Variants in CCDC102A observed in about 807,000 individuals in gnomAD.
CCDC102A encodes the protein coiled-coil domain containing 102A.
In CCDC102A, 40 loss-of-function variants were observed where a neutral mutation model predicts 55.5. That is an observed-to-expected ratio of 0.72 (90% CI 0.56 to 0.94). The LOEUF (loss-of-function observed/expected upper bound fraction) is 0.94, where lower values mean the gene tolerates loss of function less well. Among genes scored for constraint, CCDC102A ranks in the 40% least tolerant of loss-of-function variants. The probability of loss-of-function intolerance (pLI) is 0.00; values close to 1 mark genes in which losing one functional copy is unlikely to be tolerated. For missense variants in CCDC102A, 779 were observed against 768.6 expected (o/e 1.01, Z -0.16); for synonymous variants, 323 against 339.0 (o/e 0.95, Z 0.52).
chr16:57,519,388 G>A (rs1469359063), intron 4 of CCDC102A, among the ~76,000 whole-genome samples: 2 of 152,230 alleles, frequency 1.3e-5, no homozygotes, highest in Admixed American at 1.3e-4. Context: ...GCTAGCCTGG[G>A]AGGACGGGGA....
rs200490760 is a variant in CCDC102A, at chr16:57,521,051, T to C, written c.921+17A>G. 3.8e-3 allele frequency: 5,998 copies of C among 1,561,098 alleles called. 19 individuals are homozygous for C. The highest frequency in any genetic ancestry group is 8.7e-3 in the Middle Eastern group (52 of 5,962). On this transcript the variant is annotated intron_variant, in intron 4 of 8. Transcript: ENST00000258214. ...TCCTGCCGCCTCCAGGAAGACCCTCTGGTCTCCAAGACTCACCTGCTTGAG... is the reference window on the plus strand; with the variant it reads ...TCCTGCCGCCTCCAGGAAGACCCTCCGGTCTCCAAGACTCACCTGCTTGAG...
At chr16:57,533,464 C>A (rs1351107151) in intron 1 of CCDC102A, among the ~76,000 whole-genome samples, 1 of 151,404 alleles carries the variant, frequency 6.6e-6, no homozygotes, top group South Asian at 2.1e-4. Context: ...ACATACAGCC[C>A]CAGTAATGCA....
At chr16:57,513,920 C>G (rs2031910032) in intron 8 of CCDC102A, among the ~76,000 whole-genome samples, 1 of 152,216 alleles carries the variant, frequency 6.6e-6, no homozygotes, top group Non-Finnish European at 1.5e-5. Context: ...ATAGTAAATG[C>G]TCAATAAATA....
In CCDC102A at chr16:57,512,818, G is replaced by A. The variant is rs777894501; in HGVS notation, c.1576C>T (p.Arg526Cys). The change falls in exon 9 of 9, where the codon CGC becomes TGC. Residue 526 changes from arginine (R) to cysteine (C), a missense_variant. By Grantham distance (180) the Arg-to-Cys change is radical (BLOSUM62 -3). Transcript: ENST00000258214. ...APLFGKIRSARFGTEEAEDGT... is the reference protein window; with the variant it reads ...APLFGKIRSACFGTEEAEDGT... ...TCCTCGGCCTCCTCGGTGCCAAAGCGAGCACTGCGGATCTTCCCGAAGAGG... is the reference window on the plus strand; with the variant it reads ...TCCTCGGCCTCCTCGGTGCCAAAGCAAGCACTGCGGATCTTCCCGAAGAGG... The A allele has an allele frequency of 3.2e-5, 52 of 1,613,936 alleles. No individual in the cohort carries two copies. In the South Asian group the frequency reaches 5.4e-4, roughly 17 times the overall value.
chr16:57,526,809 G>A (rs1383091818), intron 2 of CCDC102A, among the ~76,000 whole-genome samples: 1 of 152,164 alleles, frequency 6.6e-6, no homozygotes, highest in Non-Finnish European at 1.5e-5. Flanking sequence ...CTGGAGCGGT[G>A]GCCCTGAGGA....
intron 3 of CCDC102A, among the ~76,000 whole-genome samples, chr16:57,524,349 C>T (rs536706949): frequency 1.2e-4 from 19 of 152,074 alleles, no homozygotes; most frequent in East Asian, 1.9e-4. Context: ...TCTGGAACCC[C>T]GACCACCTCC....
chr16:57,531,722 A>G (rs1016663160), intron 1 of CCDC102A, among the ~76,000 whole-genome samples: 1 of 151,714 alleles, frequency 6.6e-6, no homozygotes, highest in Non-Finnish European at 1.5e-5. Context: ...GCCCACCCCC[A>G]TGTCCCTCTC....
At chr16:57,518,558 C>T in intron 5 of CCDC102A, 67 bp downstream of exon 5, 1 of 1,268,892 alleles carries the variant, frequency 7.9e-7, no homozygotes, top group Non-Finnish European at 1.1e-6. Flanking sequence ...TCCCAGTGAC[C>T]TGCTGATGGA....
At position 57,512,530 on chromosome 16, in the gene CCDC102A, G is replaced by GCGCT. The variant is rs60155416; in HGVS notation, c.*210_*211insAGCG. 3 of 488,200 alleles carry GCGCT rather than the reference G, an allele frequency of 6.1e-6. No homozygotes were observed. The Admixed American group carries it at 1.1e-4, about 19-fold the overall frequency. 30.2% of individuals were successfully genotyped at this position (488,200 alleles called of 1,614,324 possible). ...TCTGGGTGTGCGCGCGCGCGCGCGC[G>GCGCT]TGTGTGTATATATATATATAAAACA... On this transcript the variant is annotated 3_prime_UTR_variant, in exon 9 of 9. Transcript: ENST00000258214.
chr16:57,524,582 A>AT (rs1555519638), intron 3 of CCDC102A, among the ~76,000 whole-genome samples: 45 of 100,094 alleles, frequency 4.5e-4, no homozygotes, highest in East Asian at 2.4e-3. Flanking sequence ...GTCTAAAAAA[A>AT]ATATATATAT....
chr16:57,529,332 A>G lies in CCDC102A; in HGVS notation c.-147-8T>C. 4.7e-6 allele frequency: 5 copies of G among 1,053,124 alleles called. No individual in the cohort carries two copies. Among genetic ancestry groups the G allele is most frequent in the Non-Finnish European group, 5.8e-6 (5 of 856,128 alleles). 65.2% of individuals were successfully genotyped at this position (1,053,124 alleles called of 1,614,324 possible). Reference sequence around the variant, plus strand: ...GAGGACGCCTCCTCGGACCTACGGGAGAACACAACCGTTATTGGACTGCGA... The same window carrying G: ...GAGGACGCCTCCTCGGACCTACGGGGGAACACAACCGTTATTGGACTGCGA... On this transcript the variant is annotated splice_polypyrimidine_tract_variant and splice_region_variant and intron_variant, in intron 1 of 8. Coordinates refer to ENST00000258214, the MANE Select transcript of CCDC102A (RefSeq NM_033212.4). This position sits in a 1 kb window ranked among gnomAD's most constrained non-coding sequence, Gnocchi z 4.1.
At position 57,528,891 on chromosome 16, in the gene CCDC102A, C is replaced by T; in HGVS notation, c.287G>A (p.Arg96Gln). 7.1e-7 allele frequency: 1 copy of T among 1,402,602 alleles called. No individual in the cohort carries two copies. The highest frequency in any genetic ancestry group is 9.3e-7 in the Non-Finnish European group (1 of 1,072,492). The allele number at this position is 1,402,602 out of a possible 1,614,324, so 86.9% of individuals were successfully genotyped here. A position where few individuals can be genotyped will look rare whatever the true frequency, so the allele number is the denominator to read the frequency against. ...RAAQMEKTMR[R>Q]WSDCTANWRE... ...CCAATTGGCAGTGCAGTCCGACCAC[C>T]GGCGCATGGTCTTCTCCATCTGCGC... The change falls in exon 2 of 9, where the codon CGG (arginine) becomes CAG (glutamine). Residue 96 changes from arginine to glutamine, a missense_variant. By Grantham distance (43) the Arg-to-Gln change is conservative. Transcript: ENST00000258214.
rs1338845063 is a variant in CCDC102A at position 57,525,885 on chromosome 16, GCCTCCCA to G, written c.812+9_812+15del. 6.2e-7 allele frequency: 1 copy of G among 1,609,352 alleles called. No homozygotes were observed. The highest frequency in any genetic ancestry group is 2.2e-5 in the East Asian group (1 of 44,720). On this transcript the variant is annotated intron_variant, in intron 3 of 8. Transcript: ENST00000258214. Reference sequence around the variant, plus strand: ...CCTGGCCCTGGCCCTGCCCCCTCCCGCCTCCCACGACTCACTCTCGCTCCTTGAGCAG... The same window carrying G: ...CCTGGCCCTGGCCCTGCCCCCTCCCGCGACTCACTCTCGCTCCTTGAGCAG...
At chr16:57,518,357 T>G in intron 5 of CCDC102A, 80 bp from the exon 6 acceptor site, 2 of 1,380,414 alleles carry the variant, frequency 1.4e-6, no homozygotes, top group Non-Finnish European at 2.0e-6. Flanking sequence ...CGCCACCTCC[T>G]GGAGCCATTT....
Position 57,525,948 on chromosome 16 carries a change from C to T in CCDC102A, c.765G>A (p.Leu255=), listed in dbSNP as rs1219706052. Residue 255 remains leucine, a synonymous_variant, in exon 3 of 9, where the codon CTG becomes CTA. Coordinates refer to ENST00000258214, the MANE Select transcript of CCDC102A (RefSeq NM_033212.4). ...TCTGGGACTCATCCAGCCGTAGCCG[C>T]AGGGCGGTCAACTTGGAGGCCTCCT... The part of the protein sequence containing the change: ...TEEEASKLTA[L]RLRLDESQKV... The T allele has an allele frequency of 5.0e-6, 8 of 1,612,356 alleles. No homozygotes were observed. The highest frequency in any genetic ancestry group is 6.8e-6 in the Non-Finnish European group (8 of 1,179,456).
intron 3 of CCDC102A, among the ~76,000 whole-genome samples, chr16:57,523,500 G>GTC (rs1314849857): frequency 2.0e-5 from 3 of 149,994 alleles, no homozygotes; most frequent in Admixed American, 6.6e-5. Context: ...TTGAGACAGC[G>GTC]TCTCTCTCTG....
At chr16:57,523,497 A>G (rs1251597209) in intron 3 of CCDC102A, among the ~76,000 whole-genome samples, 2 of 150,286 alleles carry the variant, frequency 1.3e-5, no homozygotes, top group Non-Finnish European at 3.0e-5. Context: ...TTTTTGAGAC[A>G]GCGTCTCTCT....
intron 1 of CCDC102A, among the ~76,000 whole-genome samples, chr16:57,534,878 C>G (rs117948999): frequency 6.6e-6 from 1 of 152,196 alleles, no homozygotes; most frequent in Admixed American, 6.5e-5. Context: ...CCTAATTGAC[C>G]CACTGGGAAC....
intron 8 of CCDC102A, among the ~76,000 whole-genome samples, chr16:57,513,846 A>G (rs1276550680): frequency 6.6e-6 from 1 of 152,258 alleles, no homozygotes; most frequent in Non-Finnish European, 1.5e-5. Flanking sequence ...TTACCATGGC[A>G]CAATAGCTGT....
Sources: allele counts gnomAD v4.1 joint callset (sites outside exome capture counted in the v4.1 genomes callset), GRCh38; gene constraint gnomAD v4.1.1; non-coding constraint Gnocchi (gnomAD v3.1); transcripts MANE v1.5; gene names NCBI Gene and HGNC (gene_info 2026-07-23, HGNC 2026-07-21).